The following HGF variants were observed in gnomAD, a reference collection of about 807,000 sequenced individuals.
The protein encoded by HGF is fibroblast-derived tumor cytotoxic factor.
Under a neutral mutation model 111.6 loss-of-function variants are expected in HGF, and 39 were observed. The observed-to-expected ratio is 0.35, with a 90% CI of 0.27 to 0.46. The LOEUF is 0.46. HGF is among the 20% of genes least tolerant of loss of function. The pLI, the probability that HGF is intolerant of heterozygous loss-of-function variation, is 1.00. For synonymous variants in HGF, 285 were observed against 294.8 expected (o/e 0.97, Z 0.34); for missense variants, 735 against 910.5 (o/e 0.81, Z 2.48).
chr7:81,709,998 G>T, intron 13 of HGF, 149 bp downstream of exon 13: 1 of 667,576 alleles, frequency 1.5e-6, no homozygotes, highest in South Asian at 1.7e-5. Context: ...AGTCTGGCAA[G>T]CAGATGTGAT....
chr7:81,755,972 T>A (rs750682319), intron 4 of HGF: 14 of 701,084 alleles, frequency 2.0e-5, no homozygotes, highest in Non-Finnish European at 3.4e-5. Context: ...ATAACTCATC[T>A]CTGTTTCCTA....
intron 1 of HGF, 150 bp downstream of exon 1, chr7:81,769,734 A>T (rs1423259188): frequency 3.1e-6 from 2 of 648,114 alleles, no homozygotes; most frequent in African/African-American, 1.8e-5. Flanking sequence ...CAAAAAAAGC[A>T]TAATGAGAGC....
At chr7:81,744,920 G>A (rs1480546791) in intron 6 of HGF, 80 bp downstream of exon 6, 1 of 1,462,720 alleles carries the variant, frequency 6.8e-7, no homozygotes, top group African/African-American at 1.4e-5. Context: ...AATATAAAGA[G>A]AATTTCCACA....
intron 11 of HGF, among the ~76,000 whole-genome samples, chr7:81,713,172 T>C (rs1007001626): frequency 2.6e-5 from 4 of 152,210 alleles, no homozygotes; most frequent in African/African-American, 4.8e-5. Flanking sequence ...ATTAAGCTAA[T>C]AGGTCAACAA....
At chr7:81,758,457 A>C in intron 3 of HGF, among the ~76,000 whole-genome samples, 1 of 152,088 alleles carries the variant, frequency 6.6e-6, no homozygotes, top group East Asian at 1.9e-4. Flanking sequence ...AAAAATAAAC[A>C]GAGGGAGGAA....
chr7:81,736,241 A>G (rs1787820491), intron 7 of HGF, among the ~76,000 whole-genome samples: 2 of 152,092 alleles, frequency 1.3e-5, no homozygotes, highest in Admixed American at 1.3e-4. Context: ...CCAGAAGTAA[A>G]CAATTCATAC....
At chr7:81,717,144 C>T in intron 11 of HGF, 88 bp downstream of exon 11, 1 of 1,351,238 alleles carries the variant, frequency 7.4e-7, no homozygotes, top group East Asian at 2.3e-5. Flanking sequence ...GGAATAAATG[C>T]CAGACCACCT....
In HGF at chr7:81,702,476, G is replaced by A; in HGVS notation, c.*105C>T. 1.1e-6 allele frequency: 1 copy of A among 906,558 alleles called. No homozygotes were observed. Among genetic ancestry groups the A allele is most frequent in the East Asian group, 2.4e-5 (1 of 40,904 alleles). The allele number at this position is 906,558 out of a possible 1,614,324, so 56.2% of individuals were successfully genotyped here. A position where few individuals can be genotyped will look rare whatever the true frequency, so the allele number is the denominator to read the frequency against. On this transcript the variant is annotated 3_prime_UTR_variant, in exon 18 of 18. Transcript: ENST00000222390. Reference sequence around the variant, plus strand: ...TTTCAACAAACATGACTCTCCAGTAGTTGTCTTAGGATTGTTGTAAGTGAC... The same window carrying A: ...TTTCAACAAACATGACTCTCCAGTAATTGTCTTAGGATTGTTGTAAGTGAC...
chr7:81,742,703 T>A (rs1390718470), intron 7 of HGF: 2 of 1,391,636 alleles, frequency 1.4e-6, no homozygotes, highest in Non-Finnish European at 1.9e-6. Flanking sequence ...CGTTAAAAAA[T>A]AGTTTTTATT....
chr7:81,730,447 G>A (rs1317618541), intron 7 of HGF, among the ~76,000 whole-genome samples: 4 of 152,076 alleles, frequency 2.6e-5, no homozygotes, highest in Admixed American at 6.6e-5. Context: ...AAGAGTGAAA[G>A]TCTGTCTCAA....
At chr7:81,708,499 T>C (rs901723679) in intron 13 of HGF, among the ~76,000 whole-genome samples, 29 of 142,790 alleles carry the variant, frequency 2.0e-4, no homozygotes, top group African/African-American at 7.3e-4. Context: ...ATGTGGATTA[T>C]TGAAAGATTT....
At chr7:81,704,015 G>C (rs1789357630) in intron 17 of HGF, among the ~76,000 whole-genome samples, 1 of 151,672 alleles carries the variant, frequency 6.6e-6, no homozygotes, top group South Asian at 2.1e-4. Context: ...TGATGTTACT[G>C]CTATTATACA....
At chr7:81,759,082 A>T (rs986185509) in intron 2 of HGF, among the ~76,000 whole-genome samples, 1 of 152,194 alleles carries the variant, frequency 6.6e-6, no homozygotes. Context: ...GTAGAAAAAT[A>T]ACAGTTTTAA....
At chr7:81,768,449 G>C (rs938393226) in intron 1 of HGF, among the ~76,000 whole-genome samples, 1 of 151,828 alleles carries the variant, frequency 6.6e-6, no homozygotes, top group Non-Finnish European at 1.5e-5. Context: ...ACACAATCTC[G>C]GCTCACTGCA....
chr7:81,753,752 A>G (rs561579713), intron 4 of HGF, among the ~76,000 whole-genome samples: 1 of 152,148 alleles, frequency 6.6e-6, no homozygotes, highest in South Asian at 2.1e-4. Flanking sequence ...GCATCTAAGT[A>G]GTAATAGTTA....
intron 5 of HGF, chr7:81,751,750 G>T (rs1788516248): frequency 3.7e-6 from 4 of 1,071,984 alleles, no homozygotes; most frequent in Admixed American, 4.9e-5. Context: ...TGGTTGAATA[G>T]AATTAACATT....
intron 7 of HGF, chr7:81,742,893 A>G (rs1788064883): frequency 6.2e-7 from 1 of 1,612,090 alleles, no homozygotes; most frequent in African/African-American, 1.3e-5. Context: ...TCTTCACTGC[A>G]GCCTCTGTCA....
intron 5 of HGF, among the ~76,000 whole-genome samples, chr7:81,747,713 G>T (rs968932829): frequency 2.0e-5 from 3 of 152,174 alleles, no homozygotes; most frequent in African/African-American, 7.2e-5. Context: ...AGGTGCAGTG[G>T]CTCAAGCCTG....
At chr7:81,720,991 A>G in intron 9 of HGF, 144 bp from the exon 10 acceptor site, 1 of 625,168 alleles carries the variant, frequency 1.6e-6, no homozygotes, top group Non-Finnish European at 2.9e-6. Context: ...CACGCCTGTA[A>G]TCCCAGCACT....
Sources: gnomAD v4.1 joint callset for allele counts (sites outside exome capture counted in the v4.1 genomes callset) on GRCh38, gnomAD v4.1.1 for gene constraint, MANE v1.5 for transcripts, NCBI Gene and HGNC (gene_info 2026-07-23, HGNC 2026-07-21) for gene names.